Variants in TFG observed in about 807,000 individuals in gnomAD.
TFG encodes trafficking from ER to golgi regulator.
In TFG, 22 loss-of-function variants were observed where a neutral mutation model predicts 51.4. That is an observed-to-expected ratio of 0.43 (90% CI 0.31 to 0.61). The LOEUF (loss-of-function observed/expected upper bound fraction) is 0.61, where lower values mean the gene tolerates loss of function less well. Among genes scored for constraint, TFG ranks in the 20% least tolerant of loss-of-function variants. The pLI, the probability that TFG is intolerant of heterozygous loss-of-function variation, is 0.12. For missense variants in TFG, 419 were observed against 487.7 expected, an observed-to-expected ratio of 0.86 and a Z score of 1.33; for synonymous variants, 187 against 165.6, an observed-to-expected ratio of 1.13 and a Z score of -0.99.
intron 3 of TFG, among the ~76,000 whole-genome samples, chr3:100,721,981 T>C (rs1036621983): frequency 6.6e-6 from 1 of 152,152 alleles, no homozygotes; most frequent in Non-Finnish European, 1.5e-5. Context: ...TAAAACCCTA[T>C]CTCTACTGAA....
intron 4 of TFG, among the ~76,000 whole-genome samples, chr3:100,729,893 A>G (rs887947035): frequency 6.6e-6 from 1 of 152,132 alleles, no homozygotes; most frequent in African/African-American, 2.4e-5. Flanking sequence ...TGTTTAATAA[A>G]TATTTGGTGA....
At position 100,730,808 on chromosome 3, in the gene TFG, A is replaced by G. The variant is rs118050713; in HGVS notation, c.416-1700A>G. 1.1e-4 allele frequency among the ~76,000 whole-genome samples: 17 copies of G among 152,332 alleles called. 1 individual carries two copies. The East Asian group carries it at 3.3e-3, about 29-fold the overall frequency. On this transcript the variant is annotated intron_variant, in intron 4 of 7. Transcript: ENST00000240851. ...ATCTCCAGCAGCTAATGGAGCAAGT[A>G]GTAGGACGTATAGTATGTTTCCTGA... is the stretch of plus-strand genomic sequence containing the variant.
intron 2 of TFG, 38 bp downstream of exon 2, chr3:100,713,907 TAAAAA>T: frequency 3.3e-6 from 3 of 898,894 alleles, no homozygotes; most frequent in Admixed American, 3.2e-5. Flanking sequence ...AAAGTCTTTT[TAAAAA>T]AAAAAAAAAA....
intron 6 of TFG, among the ~76,000 whole-genome samples, chr3:100,741,599 G>A (rs929253527): frequency 6.6e-6 from 1 of 152,110 alleles, no homozygotes; most frequent in Non-Finnish European, 1.5e-5. Context: ...AATAAATGTA[G>A]TATAGCCTAA....
At chr3:100,737,773 G>A (rs887906718) in intron 6 of TFG, among the ~76,000 whole-genome samples, 19 of 152,190 alleles carry the variant, frequency 1.2e-4, no homozygotes, top group Admixed American at 7.9e-4. Context: ...ACCTGGCTAG[G>A]TGTGGTGCCT....
At chr3:100,730,759 G>A (rs2095089336) in intron 4 of TFG, among the ~76,000 whole-genome samples, 2 of 152,140 alleles carry the variant, frequency 1.3e-5, no homozygotes. Flanking sequence ...AACTACCTTA[G>A]ATAGAAGATT....
intron 7 of TFG, among the ~76,000 whole-genome samples, chr3:100,747,224 G>A (rs1211688022): frequency 6.6e-6 from 1 of 152,104 alleles, no homozygotes; most frequent in Non-Finnish European, 1.5e-5. Context: ...TGGTTTGCCA[G>A]TTTCCCTCTG....
intron 4 of TFG, among the ~76,000 whole-genome samples, chr3:100,731,875 C>G (rs114182138): frequency 6.6e-6 from 1 of 152,048 alleles, no homozygotes; most frequent in Non-Finnish European, 1.5e-5. Flanking sequence ...TGATGCAGAT[C>G]CCATATACAT....
Position 100,744,825 on chromosome 3 carries a change from G to A in TFG, c.722-8G>A, listed in dbSNP as rs41272979. 1.7e-5 allele frequency: 27 copies of A among 1,598,492 alleles called. No homozygotes were observed. Among genetic ancestry groups the A allele is most frequent in the Non-Finnish European group, 2.1e-5 (24 of 1,167,328 alleles). ...TTTTTCCTTGTGTGTGTGTGTGTGTGTTTTCAGGTCAGATGTACCAACAGT... is the reference window on the plus strand; with the variant it reads ...TTTTTCCTTGTGTGTGTGTGTGTGTATTTTCAGGTCAGATGTACCAACAGT... On this transcript the variant is annotated splice_region_variant and splice_polypyrimidine_tract_variant and intron_variant, in intron 6 of 7. Coordinates refer to ENST00000240851, the MANE Select transcript of TFG (RefSeq NM_006070.6).
At chr3:100,719,162 G>GT (rs1576358098) in intron 2 of TFG, among the ~76,000 whole-genome samples, 1 of 152,320 alleles carries the variant, frequency 6.6e-6, no homozygotes, top group Non-Finnish European at 1.5e-5. Context: ...ACTAATTAGT[G>GT]TTAAAGTAGG....
At chr3:100,723,371 C>A (rs545728938) in intron 3 of TFG, among the ~76,000 whole-genome samples, 2 of 151,244 alleles carry the variant, frequency 1.3e-5, no homozygotes, top group Non-Finnish European at 2.9e-5. Context: ...AAAGTGGTGG[C>A]GGAATAAAAG....
intron 7 of TFG, among the ~76,000 whole-genome samples, chr3:100,747,088 T>C (rs1276358297): frequency 1.3e-5 from 2 of 152,204 alleles, no homozygotes; most frequent in Non-Finnish European, 2.9e-5. Flanking sequence ...ATTATTATCT[T>C]TGTATTTCTG....
chr3:100,745,061 C>T (rs2095131410), intron 7 of TFG, 130 bp downstream of exon 7: 1 of 431,526 alleles, frequency 2.3e-6, no homozygotes, highest in Non-Finnish European at 4.2e-6. Flanking sequence ...GGGGAAACAA[C>T]ATTTGTTTTA....
At chr3:100,715,243 G>A (rs1232835493) in intron 2 of TFG, among the ~76,000 whole-genome samples, 1 of 152,182 alleles carries the variant, frequency 6.6e-6, no homozygotes, top group East Asian at 1.9e-4. Flanking sequence ...AGGGATCCAG[G>A]TTGAAAGAAG....
intron 1 of TFG, among the ~76,000 whole-genome samples, chr3:100,712,271 C>A (rs2095033396): frequency 6.6e-6 from 1 of 152,058 alleles, no homozygotes; most frequent in African/African-American, 2.4e-5. Flanking sequence ...TTCATGAAAA[C>A]TTTTTTGAAG....
At position 100,748,823 on chromosome 3, in the gene TFG, T is replaced by TA. The variant is rs1252068285; in HGVS notation, c.*296dup. 1 of 333,496 alleles carries TA rather than the reference T, an allele frequency of 3.0e-6. No individual in the cohort carries two copies. Among genetic ancestry groups the TA allele is most frequent in the Non-Finnish European group, 5.5e-6 (1 of 182,394 alleles). The allele number at this position is 333,496 out of a possible 1,614,324, so 20.7% of individuals were successfully genotyped here. On this transcript the variant is annotated 3_prime_UTR_variant, in exon 8 of 8. Transcript: ENST00000240851. ...CTAGCTTCCCTTGTCCGGAGGATATTAAAATGCTAGGGTGAGGTTTAGCCA... is the reference window on the plus strand; with the variant it reads ...CTAGCTTCCCTTGTCCGGAGGATATTAAAAATGCTAGGGTGAGGTTTAGCCA...
intron 4 of TFG, among the ~76,000 whole-genome samples, chr3:100,729,593 T>C (rs1196764517): frequency 2.6e-5 from 4 of 152,074 alleles, no homozygotes; most frequent in African/African-American, 9.7e-5. Context: ...TTATTATTAT[T>C]TTTTTCTTTT....
In TFG at chr3:100,712,737, C is replaced by G. The variant is rs898257965; in HGVS notation, c.-43-906C>G. Among the ~76,000 whole-genome samples, 2 of 152,116 alleles carry G rather than the reference C, an allele frequency of 1.3e-5. 1 individual carries two copies. The highest frequency in any genetic ancestry group is 4.1e-4 in the South Asian group (2 of 4,830). ...ATAAAATGTTATAAATTTTTAATGT[C>G]TGGTAGTGTTAAGTGCTTTGAAGAA... On this transcript the variant is annotated intron_variant, in intron 1 of 7. Transcript: ENST00000240851.
At chr3:100,746,330 G>A (rs1026972027) in intron 7 of TFG, among the ~76,000 whole-genome samples, 6 of 152,074 alleles carry the variant, frequency 3.9e-5, no homozygotes, top group Admixed American at 6.5e-5. Context: ...GGACTCAGGC[G>A]TTTGCATTTT....
Sources: gnomAD v4.1 joint callset for allele counts (sites outside exome capture counted in the v4.1 genomes callset) on GRCh38, gnomAD v4.1.1 for gene constraint, MANE v1.5 for transcripts, NCBI Gene and HGNC (gene_info 2026-07-23, HGNC 2026-07-21) for gene names.